Variants in PLCB1 observed in about 807,000 individuals in gnomAD.
The protein encoded by PLCB1 is phospholipase C beta 1.
In PLCB1, 46 loss-of-function variants were observed where a neutral mutation model predicts 161.8. The ratio of observed to expected loss-of-function variants is 0.28; its 90% CI spans 0.22 to 0.36. The LOEUF (loss-of-function observed/expected upper bound fraction) is 0.36. Ranked by LOEUF, PLCB1 falls within the 10% of genes least tolerant of loss-of-function variation. The pLI is 1.00. For synonymous variants in PLCB1, 517 were observed against 503.7 expected, an observed-to-expected ratio of 1.03 and a Z score of -0.35; for missense variants, 1,016 against 1,472.5, an observed-to-expected ratio of 0.69 and a Z score of 5.07.
At chr20:8,803,873 A>G (rs943279434) in intron 31 of PLCB1, among the ~76,000 whole-genome samples, 1 of 151,974 alleles carries the variant, frequency 6.6e-6, no homozygotes, top group African/African-American at 2.4e-5. Flanking sequence ...AGCTCACCAC[A>G]ACCTCCACCT....
At chr20:8,197,575 G>A (rs1428268125) in intron 2 of PLCB1, among the ~76,000 whole-genome samples, 1 of 152,052 alleles carries the variant, frequency 6.6e-6, no homozygotes, top group Non-Finnish European at 1.5e-5. Flanking sequence ...TGTCAGATGA[G>A]TAGATTGCAA....
At chr20:8,306,076 A>G (rs1281954563) in intron 2 of PLCB1, 1 of 152,172 alleles carries the variant, frequency 6.6e-6, no homozygotes, top group Admixed American at 6.5e-5. Flanking sequence ...TGTTTAAAGA[A>G]TTGTTGGGAT....
At chr20:8,202,678 G>A (rs1189660333) in intron 2 of PLCB1, among the ~76,000 whole-genome samples, 2 of 152,178 alleles carry the variant, frequency 1.3e-5, no homozygotes, top group Non-Finnish European at 2.9e-5. Flanking sequence ...TGTGTGCCAG[G>A]CAATGCATTG....
intron 10 of PLCB1, among the ~76,000 whole-genome samples, chr20:8,685,795 A>C (rs1990346874): frequency 1.3e-5 from 2 of 152,144 alleles, no homozygotes; most frequent in African/African-American, 4.8e-5. Context: ...ACAGGGCTTT[A>C]GACAAAAACA....
At chr20:8,768,115 G>A (rs1982455049) in intron 26 of PLCB1, among the ~76,000 whole-genome samples, 1 of 152,120 alleles carries the variant, frequency 6.6e-6, no homozygotes, top group African/African-American at 2.4e-5. Flanking sequence ...GTTGCAGTGA[G>A]CCGAGATGGT....
At chr20:8,708,476 C>T (rs1324778813) in intron 11 of PLCB1, among the ~76,000 whole-genome samples, 194 bp from the exon 12 acceptor site, 1 of 152,182 alleles carries the variant, frequency 6.6e-6, no homozygotes, top group Non-Finnish European at 1.5e-5. Flanking sequence ...ATCCAATCTT[C>T]TTATAACTTT....
chr20:8,856,372 T>C (rs1987067521), intron 31 of PLCB1, among the ~76,000 whole-genome samples: 1 of 152,132 alleles, frequency 6.6e-6, no homozygotes, highest in South Asian at 2.1e-4. Flanking sequence ...GTTGCTTACT[T>C]TGGGAGGCTG....
intron 2 of PLCB1, among the ~76,000 whole-genome samples, chr20:8,276,323 C>T (rs1261448945): frequency 6.6e-6 from 1 of 152,102 alleles, no homozygotes; most frequent in Non-Finnish European, 1.5e-5. Context: ...TTTTTGTGCA[C>T]ACATGTTATT....
intron 31 of PLCB1, among the ~76,000 whole-genome samples, chr20:8,863,910 T>C (rs1404212235): frequency 1.3e-5 from 2 of 152,182 alleles, no homozygotes; most frequent in Non-Finnish European, 2.9e-5. Flanking sequence ...TAGCAAGAAC[T>C]CATAGGTAAA....
chr20:8,788,870 T>A, intron 29 of PLCB1, 148 bp downstream of exon 29: 1 of 612,982 alleles, frequency 1.6e-6, no homozygotes. Context: ...TTGGTAAGGT[T>A]TTTAACAGGG....
rs1000930894 is a variant in PLCB1 at position 8,711,549 on chromosome 20, C to T, written c.1250+2797C>T. 2.0e-5 allele frequency among the ~76,000 whole-genome samples: 3 copies of T among 152,138 alleles called. No homozygotes were observed. The East Asian group carries it at 5.8e-4, about 29-fold the overall frequency. On this transcript the variant is annotated intron_variant, in intron 12 of 31. Transcript: ENST00000338037. ...TTTCCAGGATGCCATGATTGTGTCCCAAGCCACTGAGATAATGTAATGGCA... is the reference window on the plus strand; with the variant it reads ...TTTCCAGGATGCCATGATTGTGTCCTAAGCCACTGAGATAATGTAATGGCA...
chr20:8,881,892 G>A lies in PLCB1; in HGVS notation c.*43G>A, dbSNP rs570041610. 19 of 1,236,530 alleles carry A rather than the reference G, an allele frequency of 1.5e-5. No individual in the cohort carries two copies. The East Asian group carries it at 3.5e-4, about 23-fold the overall frequency. The allele number at this position is 1,236,530 out of a possible 1,614,324, so 76.6% of individuals were successfully genotyped here. A position where few individuals can be genotyped will look rare whatever the true frequency, so the allele number is the denominator to read the frequency against. ...TCAGAAATTGCATGGCCACTCCAGCGTCATCGGACTCTCTCTTATTACAAA... is the reference window on the plus strand; with the variant it reads ...TCAGAAATTGCATGGCCACTCCAGCATCATCGGACTCTCTCTTATTACAAA... On this transcript the variant is annotated 3_prime_UTR_variant, in exon 32 of 32. Transcript: ENST00000338037.
intron 3 of PLCB1, among the ~76,000 whole-genome samples, chr20:8,405,371 G>A (rs568420950): frequency 6.6e-6 from 1 of 152,298 alleles, no homozygotes; most frequent in Admixed American, 6.5e-5. Context: ...AAGCAGAACA[G>A]TAAGAGACAG....
rs543895621 is a variant in PLCB1 at position 8,143,494 on chromosome 20, C to T, written c.100-6800C>T. On this transcript the variant is annotated intron_variant, in intron 1 of 31. Coordinates refer to ENST00000338037, the MANE Select transcript of PLCB1 (RefSeq NM_015192.4). ...ATTGATGATGATTAATGATTTCATG[C>T]CTGCCCTTATTGCGGAGACAGATGC... Among the ~76,000 whole-genome samples the T allele has an allele frequency of 5.3e-5, 8 of 152,298 alleles. No homozygotes were observed. In the South Asian group the frequency reaches 1.2e-3, roughly 24 times the overall value.
intron 2 of PLCB1, among the ~76,000 whole-genome samples, chr20:8,241,878 G>C (rs533776296): frequency 5.2e-4 from 79 of 152,064 alleles, no homozygotes; most frequent in African/African-American, 1.7e-3. Flanking sequence ...GAAGGAGGAG[G>C]GTTCCACATT....
intron 26 of PLCB1, among the ~76,000 whole-genome samples, chr20:8,767,322 A>G (rs959377366): frequency 1.3e-5 from 2 of 152,162 alleles, no homozygotes; most frequent in Non-Finnish European, 2.9e-5. Context: ...CTTTCCACTG[A>G]TGGGCCCTGG....
intron 2 of PLCB1, among the ~76,000 whole-genome samples, chr20:8,186,135 A>G (rs2051902567): frequency 6.6e-6 from 1 of 152,126 alleles, no homozygotes; most frequent in African/African-American, 2.4e-5. Context: ...AATGGTTTAT[A>G]CTTTCTGATT....
At chr20:8,504,812 T>C (rs1983567339) in intron 3 of PLCB1, among the ~76,000 whole-genome samples, 1 of 152,198 alleles carries the variant, frequency 6.6e-6, no homozygotes, top group Admixed American at 6.5e-5. Flanking sequence ...AATGTGGCAT[T>C]AATAAATGGA....
chr20:8,829,695 G>T (rs1985889394), intron 31 of PLCB1, among the ~76,000 whole-genome samples: 1 of 152,130 alleles, frequency 6.6e-6, no homozygotes, highest in African/African-American at 2.4e-5. Flanking sequence ...GATGTGTCTT[G>T]TTTATTTAAT....
Sources: gnomAD v4.1 joint callset for allele counts (sites outside exome capture counted in the v4.1 genomes callset) on GRCh38, gnomAD v4.1.1 for gene constraint, MANE v1.5 for transcripts, NCBI Gene and HGNC (gene_info 2026-07-23, HGNC 2026-07-21) for gene names.